The following SASH1 variants were observed in gnomAD, a reference collection of about 807,000 sequenced individuals.
The protein encoded by SASH1 is SAM and SH3 domain containing 1, also known as SAM and SH3 domain-containing protein 1.
SASH1 carries 44 observed loss-of-function variants against 125.2 expected under a neutral mutation model. The observed-to-expected ratio is 0.35, with a 90% CI of 0.28 to 0.45. SASH1 has a LOEUF of 0.45. SASH1 is among the 20% of genes least tolerant of loss of function. The pLI, the probability that SASH1 is intolerant of heterozygous loss-of-function variation, is 1.00. For missense variants in SASH1, 1,426 were observed against 1,614.5 expected, an observed-to-expected ratio of 0.88 and a Z score of 2.00; for synonymous variants, 639 against 649.1, an observed-to-expected ratio of 0.98 and a Z score of 0.24.
chr6:148,333,811 C>T (rs979158864), intron 1 of SASH1, among the ~76,000 whole-genome samples: 4 of 150,982 alleles, frequency 2.6e-5, no homozygotes, highest in East Asian at 4.0e-4. Context: ...TCTGCCACTG[C>T]GCCCAGCTAG....
At chr6:148,531,458 G>T in intron 12 of SASH1, 68 bp from the exon 13 acceptor site, 1 of 1,349,520 alleles carries the variant, frequency 7.4e-7, no homozygotes, top group Non-Finnish European at 9.7e-7. Context: ...AGGCCAAGTC[G>T]CTGAGAATTA....
chr6:148,485,908 A>G (rs1562450449), intron 7 of SASH1, among the ~76,000 whole-genome samples: 1 of 152,182 alleles, frequency 6.6e-6, no homozygotes, highest in Non-Finnish European at 1.5e-5. Flanking sequence ...ACTGTCTTAA[A>G]TTCATATGTG....
chr6:148,537,521 A>G (rs1421525941), intron 16 of SASH1, among the ~76,000 whole-genome samples: 2 of 152,214 alleles, frequency 1.3e-5, no homozygotes, highest in African/African-American at 4.8e-5. Context: ...AATTATTTCA[A>G]ACATGCAGAA....
At chr6:148,424,109 C>T (rs1775698985) in intron 2 of SASH1, among the ~76,000 whole-genome samples, 1 of 151,868 alleles carries the variant, frequency 6.6e-6, no homozygotes, top group Non-Finnish European at 1.5e-5. Context: ...GTAATTTATT[C>T]TATTGTTGGA....
intron 4 of SASH1, among the ~76,000 whole-genome samples, chr6:148,452,901 A>G (rs1016819051): frequency 3.3e-5 from 5 of 152,148 alleles, no homozygotes; most frequent in South Asian, 2.1e-4. Flanking sequence ...AACAACAGCT[A>G]TTTTCATAGA....
At chr6:148,210,427 G>C in the SASH1 span, among the ~76,000 whole-genome samples, 2 of 152,208 alleles carry the variant, frequency 1.3e-5, no homozygotes, top group Non-Finnish European at 2.9e-5. Flanking sequence ...CAGCTACTTG[G>C]GAGGCTGAGG....
chr6:148,330,056 G>C (rs1780945439), intron 1 of SASH1, among the ~76,000 whole-genome samples: 1 of 152,176 alleles, frequency 6.6e-6, no homozygotes, highest in African/African-American at 2.4e-5. Context: ...TTATCTGGTA[G>C]ATCTGTGACT....
the SASH1 span, among the ~76,000 whole-genome samples, chr6:148,238,634 A>T: frequency 2.0e-5 from 1 of 50,274 alleles, no homozygotes; most frequent in African/African-American, 9.4e-5. Context: ...ATACACACAC[A>T]CACACACACA....
Position 148,499,541 on chromosome 6 carries a change from C to T in SASH1, c.729+11826C>T, listed in dbSNP as rs947547628. 1.3e-4 allele frequency among the ~76,000 whole-genome samples: 20 copies of T among 152,230 alleles called. No homozygotes were observed. The East Asian group carries it at 3.7e-3, about 28-fold the overall frequency. On this transcript the variant is annotated intron_variant, in intron 8 of 19. Coordinates refer to ENST00000367467, the MANE Select transcript of SASH1 (RefSeq NM_015278.5). Reference sequence around the variant, plus strand: ...AGAAAAGGATTAGATTAATAGATGGCGTGGTTGTGGACTTCATTGAGATTT... The same window carrying T: ...AGAAAAGGATTAGATTAATAGATGGTGTGGTTGTGGACTTCATTGAGATTT...
rs1776137812 is a variant in SASH1 at position 148,433,295 on chromosome 6, CCTT to C, written c.286-6886_286-6884del. Among the ~76,000 whole-genome samples, 3 of 151,952 alleles carry C rather than the reference CCTT, an allele frequency of 2.0e-5. No homozygotes were observed. In the South Asian group the frequency reaches 6.2e-4, roughly 32 times the overall value. On this transcript the variant is annotated intron_variant, in intron 2 of 19. Coordinates refer to ENST00000367467, the MANE Select transcript of SASH1 (RefSeq NM_015278.5). The stretch of plus-strand genomic sequence containing the variant: ...GAATATGAAATCATTTCAGCATGGT[CCTT>C]CTCTATTAATAATAAAATATACAAA...
At chr6:148,462,991 T>C (rs527887312) in intron 4 of SASH1, among the ~76,000 whole-genome samples, 1 of 152,274 alleles carries the variant, frequency 6.6e-6, no homozygotes, top group South Asian at 2.1e-4. Context: ...GGTGGAATTC[T>C]ATACAAGTGT....
chr6:148,483,122 G>A (rs1227067102), intron 7 of SASH1, among the ~76,000 whole-genome samples: 1 of 152,136 alleles, frequency 6.6e-6, no homozygotes, highest in Non-Finnish European at 1.5e-5. Flanking sequence ...TATAAAGAAA[G>A]GAGGTTTATT....
At chr6:148,410,931 G>A (rs746923697) in intron 2 of SASH1, among the ~76,000 whole-genome samples, 6 of 152,052 alleles carry the variant, frequency 3.9e-5, no homozygotes, top group Non-Finnish European at 5.9e-5. Context: ...GGGCTGAGAC[G>A]GGTGGATCAC....
At position 148,307,080 on chromosome 6, in the gene SASH1, C is replaced by CTT. The variant is rs1214659527; in HGVS notation, n.74+34705_74+34706dup. Among the ~76,000 whole-genome samples the CTT allele has an allele frequency of 2.8e-4, 41 of 145,232 alleles. 1 individual carries two copies. Among genetic ancestry groups the CTT allele is most frequent in the African/African-American group, 1.0e-3 (38 of 38,018 alleles). ...TCTTTCTTTCTTTCTTTCTTTCTTTCTTTCTTTCTTTCTTTCTCTCTCTCT... is the reference window on the plus strand; with the variant it reads ...TCTTTCTTTCTTTCTTTCTTTCTTTCTTTTTCTTTCTTTCTTTCTCTCTCTCT... On this transcript the variant is annotated intron_variant and non_coding_transcript_variant, in intron 1 of 3. Transcript: ENST00000367469.
chr6:148,467,088 C>CTT (rs71004298), intron 4 of SASH1, among the ~76,000 whole-genome samples: 11,688 of 68,904 alleles, frequency 0.17, 1,480 homozygotes, highest in South Asian at 0.23. Context: ...TTCCCTGTTC[C>CTT]TTTTTTTTTT....
Position 148,364,362 on chromosome 6 carries a change from G to A in SASH1, c.156+21139G>A, listed in dbSNP as rs535737241. ...CTCACCACTGCTCCACTTTCCTTTGGGGACACACACACTCACCATTAGCTG... is the reference window on the plus strand; with the variant it reads ...CTCACCACTGCTCCACTTTCCTTTGAGGACACACACACTCACCATTAGCTG... On this transcript the variant is annotated intron_variant, in intron 1 of 19. Transcript: ENST00000367467. Among the ~76,000 whole-genome samples the A allele has an allele frequency of 2.0e-5, 3 of 152,240 alleles. No individual in the cohort carries two copies. The East Asian group carries it at 5.8e-4, about 29-fold the overall frequency.
chr6:148,285,767 T>C (rs1217045767), intron 1 of SASH1, among the ~76,000 whole-genome samples: 1 of 152,164 alleles, frequency 6.6e-6, no homozygotes, highest in Non-Finnish European at 1.5e-5. Flanking sequence ...TCTAACCAAA[T>C]GAGAAAGGAA....
At chr6:148,528,433 G>A (rs1196410039) in intron 12 of SASH1, among the ~76,000 whole-genome samples, 1 of 152,190 alleles carries the variant, frequency 6.6e-6, no homozygotes. Flanking sequence ...AGGAAAAGCA[G>A]ACATTTTTGC....
At chr6:148,535,218 G>A (rs1288713939) in intron 16 of SASH1, among the ~76,000 whole-genome samples, 2 of 152,228 alleles carry the variant, frequency 1.3e-5, no homozygotes, top group African/African-American at 4.8e-5. Context: ...AAAACCTCCT[G>A]TGCCGCCGCC....
Sources: allele counts gnomAD v4.1 joint callset (sites outside exome capture counted in the v4.1 genomes callset), GRCh38; gene constraint gnomAD v4.1.1; transcripts MANE v1.5; gene names NCBI Gene and HGNC (gene_info 2026-07-23, HGNC 2026-07-21).